UNC13A: variants seen among roughly 807,000 people sequenced by gnomAD.
UNC13A encodes the protein protein unc-13 homolog A.
UNC13A carries 61 observed loss-of-function variants against 219.7 expected under a neutral mutation model. The observed-to-expected ratio is 0.28, with a 90% CI of 0.23 to 0.34. UNC13A has a LOEUF of 0.34. UNC13A is among the 10% of genes least tolerant of loss of function. The pLI is 1.00. For missense variants in UNC13A, 1,476 were observed against 2,270.3 expected (o/e 0.65, Z 7.11); for synonymous variants, 920 against 884.6 (o/e 1.04, Z -0.71).
At chr19:17,652,583 A>G (rs1159365) in intron 12 of UNC13A, 48 bp downstream of exon 12, 1,368,941 of 1,612,760 alleles carry the variant, frequency 0.85, 584,851 homozygotes, top group African/African-American at 0.97. Context: ...CCAGCCTTGG[A>G]CTTGGGGTTC....
intron 21 of UNC13A, among the ~76,000 whole-genome samples, 154 bp downstream of exon 21, chr19:17,641,239 G>T (rs1423133782): frequency 6.6e-6 from 1 of 151,940 alleles, no homozygotes; most frequent in Non-Finnish European, 1.5e-5. Flanking sequence ...CAATCACAGC[G>T]CTCTCCTGAT....
chr19:17,675,609 C>T (rs2079881817), intron 2 of UNC13A, among the ~76,000 whole-genome samples: 4 of 140,520 alleles, frequency 2.8e-5, no homozygotes, highest in African/African-American at 1.1e-4. Context: ...CCAGCCTGGG[C>T]AACAGAAGGA....
At chr19:17,647,913 T>G (rs2079269444) in intron 16 of UNC13A, among the ~76,000 whole-genome samples, 1 of 142,376 alleles carries the variant, frequency 7.0e-6, no homozygotes, top group Non-Finnish European at 1.5e-5. Context: ...CCTCCTCGTC[T>G]CTGATCTCCA....
intron 6 of UNC13A, among the ~76,000 whole-genome samples, 193 bp from the exon 7 acceptor site, chr19:17,666,897 AG>A: frequency 4.0e-5 from 3 of 74,434 alleles, no homozygotes; most frequent in South Asian, 8.5e-4. Context: ...AGAGAGAGAG[AG>A]AGAGAGAGAG....
At chr19:17,665,915 G>C (rs2079631067) in intron 7 of UNC13A, among the ~76,000 whole-genome samples, 1 of 152,096 alleles carries the variant, frequency 6.6e-6, no homozygotes, top group African/African-American at 2.4e-5. Context: ...CTATTTCAAA[G>C]AGAGGGCCCC....
In UNC13A at chr19:17,605,362, G is replaced by A. The variant is rs1056612040; in HGVS notation, c.*692C>T. 6.5e-6 allele frequency: 1 copy of A among 152,708 alleles called. No individual in the cohort carries two copies. Among genetic ancestry groups the A allele is most frequent in the Non-Finnish European group, 1.5e-5 (1 of 68,098 alleles). The allele number at this position is 152,708 out of a possible 1,614,324, so 9.5% of individuals were successfully genotyped here. A position where few individuals can be genotyped will look rare whatever the true frequency, so the allele number is the denominator to read the frequency against. ...CTGGGTTTGTTGGGGGAGAGGGAGAGGCAAACTCCCAAAGGGAAGTAGGGG... is the reference window on the plus strand; with the variant it reads ...CTGGGTTTGTTGGGGGAGAGGGAGAAGCAAACTCCCAAAGGGAAGTAGGGG... On this transcript the variant is annotated 3_prime_UTR_variant, in exon 44 of 44. Transcript: ENST00000519716.
intron 22 of UNC13A, 95 bp from the exon 23 acceptor site, chr19:17,640,003 C>T: frequency 1.7e-6 from 2 of 1,206,170 alleles, no homozygotes; most frequent in Non-Finnish European, 2.4e-6. Context: ...ACCTCATCCA[C>T]CACCCTCATA....
Position 17,648,415 on chromosome 19 carries a change from C to A in UNC13A, c.1816+16G>T. ...CCACGCCAACCCGTGGCCCTGCGCT[C>A]AGGCCCTGCGCTCACGCTGCAGGCA... On this transcript the variant is annotated intron_variant, in intron 16 of 43. Transcript: ENST00000519716. 6.4e-7 allele frequency: 1 copy of A among 1,557,468 alleles called. No homozygotes were observed. Among genetic ancestry groups the A allele is most frequent in the Non-Finnish European group, 8.6e-7 (1 of 1,156,476 alleles).
intron 43 of UNC13A, among the ~76,000 whole-genome samples, chr19:17,607,744 T>C (rs2076549326): frequency 6.6e-6 from 1 of 151,654 alleles, no homozygotes; most frequent in African/African-American, 2.4e-5. Flanking sequence ...CACTTCTGTC[T>C]CCTAAGAACA....
rs370935859 is a variant in UNC13A at position 17,633,159 on chromosome 19, C to T, written c.3250G>A (p.Ala1084Thr). 52 of 1,614,014 alleles carry T rather than the reference C, an allele frequency of 3.2e-5. No homozygotes were observed. Among genetic ancestry groups the T allele is most frequent in the Middle Eastern group, 1.6e-4 (1 of 6,084 alleles). Residue 1084 changes from alanine (A) to threonine (T), a missense_variant, in exon 27 of 44, where the codon GCT becomes ACT. Coordinates refer to ENST00000519716, the MANE Select transcript of UNC13A (RefSeq NM_001080421.3). ...PQELNVGKIS[A>T]EVMWNLFAQD... ...GCAAACAGATTCCACATCACTTCAG[C>T]GCTGATTTTACCCACATTCAGCTCC...
At position 17,669,684 on chromosome 19, in the gene UNC13A, T is replaced by C; in HGVS notation, c.271-8A>G. 1 of 1,603,512 alleles carries C rather than the reference T, an allele frequency of 6.2e-7. No individual in the cohort carries two copies. Among genetic ancestry groups the C allele is most frequent in the Non-Finnish European group, 8.5e-7 (1 of 1,175,356 alleles). On this transcript the variant is annotated splice_polypyrimidine_tract_variant and splice_region_variant and intron_variant, in intron 4 of 43. Coordinates refer to ENST00000519716, the MANE Select transcript of UNC13A (RefSeq NM_001080421.3). ...CCACTCTCCAGGGCCCTCCTGGGGG[T>C]TGGGGGAGGAGGTGTGTGGGTCAGG...
At chr19:17,676,948 A>G (rs1253683288) in intron 1 of UNC13A, among the ~76,000 whole-genome samples, 1 of 152,158 alleles carries the variant, frequency 6.6e-6, no homozygotes, top group East Asian at 1.9e-4. Context: ...CAGGAGGCAG[A>G]GATTGCAGTG....
At chr19:17,648,742 G>A (rs1284729742) in intron 15 of UNC13A, 92 bp from the exon 16 acceptor site, 5 of 1,537,294 alleles carry the variant, frequency 3.3e-6, no homozygotes, top group African/African-American at 1.4e-5. Context: ...GCGCGGTAAA[G>A]TCCCAGGCCC....
intron 7 of UNC13A, among the ~76,000 whole-genome samples, chr19:17,666,130 C>T (rs1359097042): frequency 1.4e-4 from 18 of 132,222 alleles, no homozygotes; most frequent in Admixed American, 2.3e-4. Flanking sequence ...TCTTTTCTTT[C>T]TTTTTCTTTC....
In UNC13A at chr19:17,676,468, T is replaced by G. The variant is rs1276471675; in HGVS notation, c.23-427A>C. Among the ~76,000 whole-genome samples, 8 of 152,208 alleles carry G rather than the reference T, an allele frequency of 5.3e-5. No homozygotes were observed. In the East Asian group the frequency reaches 1.5e-3, roughly 29 times the overall value. On this transcript the variant is annotated intron_variant, in intron 1 of 43. Coordinates refer to ENST00000519716, the MANE Select transcript of UNC13A (RefSeq NM_001080421.3). ...GATTAGAAAGAAAGAGCTGGGCAGA[T>G]GGTGGGAGAGGCCTCCTACAAGAAG...
chr19:17,624,745 C>A, intron 35 of UNC13A, 84 bp downstream of exon 35: 1 of 1,505,978 alleles, frequency 6.6e-7, no homozygotes, highest in East Asian at 2.4e-5. Flanking sequence ...TTGTTCTTAC[C>A]CCCCAGCCTC....
At position 17,649,403 on chromosome 19, in the gene UNC13A, G is replaced by A; in HGVS notation, c.1519-59C>T. 6.2e-7 allele frequency: 1 copy of A among 1,612,880 alleles called. No individual in the cohort carries two copies. The highest frequency in any genetic ancestry group is 8.5e-7 in the Non-Finnish European group (1 of 1,179,644). On this transcript the variant is annotated intron_variant, in intron 13 of 43. Coordinates refer to ENST00000519716, the MANE Select transcript of UNC13A (RefSeq NM_001080421.3). The surrounding 1 kb of genome is among the most constrained non-coding windows in gnomAD (Gnocchi z 4.4). The stretch of plus-strand genomic sequence containing the variant: ...TCAGACTACATTAGTCTCAGAGAAT[G>A]CCTAGCTGGCCCCCAACCCCAGGTT...
In UNC13A at chr19:17,604,425, T is replaced by C. The variant is rs1014681216; in HGVS notation, c.*1629A>G. The stretch of plus-strand genomic sequence containing the variant: ...CCCTTCTCGTTGTTTCAACAGTTCT[T>C]CTCTCCTGGCCTTCGCACGTGCTGT... On this transcript the variant is annotated 3_prime_UTR_variant, in exon 44 of 44. Transcript: ENST00000519716. 9 of 152,276 alleles carry C rather than the reference T, an allele frequency of 5.9e-5. No homozygotes were observed. The highest frequency in any genetic ancestry group is 7.3e-5 in the Non-Finnish European group (5 of 68,104). The allele number at this position is 152,276 out of a possible 1,614,324, so 9.4% of individuals were successfully genotyped here.
At chr19:17,678,563 C>T (rs1445227864) in intron 1 of UNC13A, among the ~76,000 whole-genome samples, 2 of 152,020 alleles carry the variant, frequency 1.3e-5, no homozygotes, top group African/African-American at 4.8e-5. Context: ...TCTCTGCTTC[C>T]ATCTCTGTCT....
Sources: gnomAD v4.1 joint callset for allele counts (sites outside exome capture counted in the v4.1 genomes callset) on GRCh38, gnomAD v4.1.1 for gene constraint, Gnocchi (gnomAD v3.1) non-coding constraint, MANE v1.5 for transcripts, NCBI Gene and HGNC (gene_info 2026-07-23, HGNC 2026-07-21) for gene names.